Variants in NIPBL observed in about 807,000 individuals in gnomAD.
NIPBL encodes the protein nipped-B-like protein.
Under a neutral mutation model 321.8 loss-of-function variants are expected in NIPBL, and 19 were observed. That is an observed-to-expected ratio of 0.06 (90% CI 0.04 to 0.09). NIPBL has a LOEUF of 0.09. Ranked by LOEUF, NIPBL falls within the 10% of genes least tolerant of loss-of-function variation. NIPBL has a pLI of 1.00. For synonymous variants in NIPBL, 1,106 were observed against 1,114.1 expected (o/e 0.99, Z 0.14); for missense variants, 2,210 against 3,327.0 (o/e 0.66, Z 8.26).
At chr5:36,968,372 A>G (rs987721452) in intron 6 of NIPBL, among the ~76,000 whole-genome samples, 4 of 152,056 alleles carry the variant, frequency 2.6e-5, no homozygotes, top group Non-Finnish European at 5.9e-5. Context: ...GATTGAGACC[A>G]TCCTCGCTAA....
intron 21 of NIPBL, among the ~76,000 whole-genome samples, chr5:37,014,078 C>T (rs1362824764): frequency 2.0e-5 from 3 of 151,640 alleles, no homozygotes; most frequent in Admixed American, 1.3e-4. Flanking sequence ...CGTGGCGGTG[C>T]GCTCCTGCAA....
chr5:37,029,900 A>G (rs563424790), intron 32 of NIPBL, among the ~76,000 whole-genome samples: 2 of 152,266 alleles, frequency 1.3e-5, no homozygotes, highest in South Asian at 4.1e-4. Flanking sequence ...TTTCTTTCCT[A>G]AATCAAATAG....
chr5:36,992,956 T>C (rs988124606), intron 10 of NIPBL, among the ~76,000 whole-genome samples: 1 of 151,984 alleles, frequency 6.6e-6, no homozygotes, highest in Non-Finnish European at 1.5e-5. Flanking sequence ...TTAGCCAGGA[T>C]GGTCTCGATC....
chr5:36,981,942 A>C (rs911133282), intron 9 of NIPBL, among the ~76,000 whole-genome samples: 2 of 151,802 alleles, frequency 1.3e-5, no homozygotes, highest in African/African-American at 2.4e-5. Flanking sequence ...TTTTCATTTT[A>C]CATAATTGGC....
At chr5:37,051,749 A>T in intron 40 of NIPBL, 30 bp from the exon 41 acceptor site, 1 of 1,464,138 alleles carries the variant, frequency 6.8e-7, no homozygotes, top group South Asian at 1.1e-5. Flanking sequence ...TACTACCATG[A>T]TATCTCGTAA....
intron 6 of NIPBL, among the ~76,000 whole-genome samples, chr5:36,969,120 T>C (rs1350057475): frequency 6.6e-6 from 1 of 152,178 alleles, no homozygotes; most frequent in African/African-American, 2.4e-5. Flanking sequence ...TAAAAGACTT[T>C]TGTGGAGCAA....
chr5:36,897,090 C>A (rs1196353626), intron 1 of NIPBL, among the ~76,000 whole-genome samples: 1 of 151,916 alleles, frequency 6.6e-6, no homozygotes, highest in Non-Finnish European at 1.5e-5. Context: ...GCAACCTCCA[C>A]TTCCCAGGTT....
chr5:37,002,674 A>G lies in NIPBL; in HGVS notation c.3677A>G (p.Glu1226Gly), dbSNP rs1364783904. Residue 1226 changes from glutamate to glycine, a missense_variant, in exon 15 of 47, where the codon GAA (glutamate) becomes GGA (glycine). This residue lies in a region of NIPBL where 381 missense variants were observed against 642.3 expected (regional missense o/e 0.59). Transcript: ENST00000282516. ...MDFTAFGDDD[E>G]IPQELLLGKH... ...CTTGATTTTGCAGGTGATGATGATG[A>G]AATTCCTCAGGAACTGCTCTTAGGA... 6.2e-7 allele frequency: 1 copy of G among 1,610,186 alleles called. No homozygotes were observed. Among genetic ancestry groups the G allele is most frequent in the South Asian group, 1.1e-5 (1 of 91,006 alleles).
rs755384710 is a variant in NIPBL, at chr5:36,985,936, A to G, written c.2756A>G (p.Lys919Arg). The part of the protein sequence containing the change: ...GFKSPTSKDD[K>R]RTEGNKSKVD... ...AAATCACCAACTAGTAAAGATGACA[A>G]AAGGACAGAGGGTAACAAGAGTAAA... The change falls in exon 10 of 47, where the codon AAA (lysine) becomes AGA (arginine). Residue 919 changes from lysine (K) to arginine (R), a missense_variant. Around this residue, in one of 14 missense-constraint regions of NIPBL, gnomAD observed 588 missense variants for 564.1 expected, o/e 1.04. Coordinates refer to ENST00000282516, the MANE Select transcript of NIPBL (RefSeq NM_133433.4). The G allele has an allele frequency of 1.1e-5, 17 of 1,613,890 alleles. No homozygotes were observed. The highest frequency in any genetic ancestry group is 1.6e-4 in the Middle Eastern group (1 of 6,084).
intron 1 of NIPBL, among the ~76,000 whole-genome samples, chr5:36,889,815 A>T (rs1006163310): frequency 7.9e-5 from 12 of 152,064 alleles, no homozygotes; most frequent in Non-Finnish European, 1.5e-4. Context: ...TAGTTTCCTG[A>T]TATGTTAAGC....
chr5:37,024,326 A>G (rs1022359291), intron 29 of NIPBL, among the ~76,000 whole-genome samples: 2 of 152,190 alleles, frequency 1.3e-5, no homozygotes, highest in African/African-American at 4.8e-5. Context: ...AATTTTGACA[A>G]GCGTATACTT....
intron 1 of NIPBL, among the ~76,000 whole-genome samples, chr5:36,940,222 C>G (rs1229698257): frequency 6.6e-6 from 1 of 151,998 alleles, no homozygotes; most frequent in African/African-American, 2.4e-5. Flanking sequence ...GTATATACAG[C>G]CTTGTGTGAA....
At chr5:36,952,067 C>CTT (rs1740423352) in intron 1 of NIPBL, among the ~76,000 whole-genome samples, 1 of 115,780 alleles carries the variant, frequency 8.6e-6, no homozygotes, top group Admixed American at 8.1e-5. Context: ...CGCGCGCGCG[C>CTT]GCGCGCATGT....
intron 40 of NIPBL, chr5:37,050,936 C>T (rs921875303): frequency 6.6e-6 from 1 of 152,198 alleles, no homozygotes; most frequent in Non-Finnish European, 1.5e-5. Context: ...TTCAAGCACT[C>T]TTCCCACCTC....
chr5:36,887,503 G>T (rs1454811512), intron 1 of NIPBL, among the ~76,000 whole-genome samples: 1 of 152,030 alleles, frequency 6.6e-6, no homozygotes, highest in Non-Finnish European at 1.5e-5. Flanking sequence ...CATTTTATTC[G>T]ACCACCTCTC....
chr5:36,896,356 A>G (rs1746736089), intron 1 of NIPBL, among the ~76,000 whole-genome samples: 1 of 152,166 alleles, frequency 6.6e-6, no homozygotes, highest in Non-Finnish European at 1.5e-5. Context: ...TGAAAGTGAA[A>G]TGTGTGAGTC....
At chr5:36,920,118 A>G (rs1280407989) in intron 1 of NIPBL, among the ~76,000 whole-genome samples, 2 of 152,286 alleles carry the variant, frequency 1.3e-5, no homozygotes, top group East Asian at 3.9e-4. Context: ...AAATATAACT[A>G]CATGTTATAC....
intron 29 of NIPBL, among the ~76,000 whole-genome samples, chr5:37,022,599 G>A (rs1036510932): frequency 2.4e-4 from 36 of 152,054 alleles, no homozygotes; most frequent in African/African-American, 8.5e-4. Context: ...GTAATAATTG[G>A]ATTCCTTTTT....
At chr5:37,035,426 T>G (rs1010457789) in intron 32 of NIPBL, among the ~76,000 whole-genome samples, 1 of 152,240 alleles carries the variant, frequency 6.6e-6, no homozygotes, top group Non-Finnish European at 1.5e-5. Flanking sequence ...GTGTGTGTGT[T>G]ATGTTACTCT....
Sources: gnomAD v4.1 joint callset for allele counts (sites outside exome capture counted in the v4.1 genomes callset) on GRCh38, gnomAD v4.1.1 for gene constraint, gnomAD v4.1.1 regional missense constraint, MANE v1.5 for transcripts, NCBI Gene and HGNC (gene_info 2026-07-23, HGNC 2026-07-21) for gene names.